The following ZCCHC7 variants were observed in gnomAD, a reference collection of about 807,000 sequenced individuals.
ZCCHC7 encodes zinc finger CCHC-type containing 7.
In ZCCHC7, 35 loss-of-function variants were observed where a neutral mutation model predicts 52.0. The ratio of observed to expected loss-of-function variants is 0.67; its 90% CI spans 0.51 to 0.89. The LOEUF (loss-of-function observed/expected upper bound fraction) is 0.89. ZCCHC7 is among the 40% of genes least tolerant of loss of function. ZCCHC7 has a pLI of 0.00. For synonymous variants in ZCCHC7, 217 were observed against 221.5 expected (o/e 0.98, Z 0.18); for missense variants, 574 against 649.1 (o/e 0.88, Z 1.26).
At chr9:37,315,394 C>T (rs993471950) in intron 5 of ZCCHC7, among the ~76,000 whole-genome samples, 3 of 151,666 alleles carry the variant, frequency 2.0e-5, no homozygotes, top group Non-Finnish European at 4.4e-5. Context: ...GCGTGATCTT[C>T]GTTTGTTGTA....
At chr9:37,333,448 C>G (rs896155970) in intron 6 of ZCCHC7, among the ~76,000 whole-genome samples, 1 of 151,632 alleles carries the variant, frequency 6.6e-6, no homozygotes, top group Non-Finnish European at 1.5e-5. Context: ...TATTCCTGCC[C>G]CTAGTGGCTA....
chr9:37,185,159 C>T (rs995679092), intron 2 of ZCCHC7, among the ~76,000 whole-genome samples: 1 of 152,122 alleles, frequency 6.6e-6, no homozygotes. Context: ...CTCTAGAGGT[C>T]GTGGGTGCCA....
chr9:37,258,981 G>T (rs1826734654), intron 2 of ZCCHC7, among the ~76,000 whole-genome samples: 1 of 152,060 alleles, frequency 6.6e-6, no homozygotes, highest in Admixed American at 6.6e-5. Context: ...GTTTAAGGTT[G>T]GCTTTCAGGA....
chr9:37,282,836 G>T (rs893121716), intron 2 of ZCCHC7, among the ~76,000 whole-genome samples: 1 of 148,780 alleles, frequency 6.7e-6, no homozygotes, highest in Non-Finnish European at 1.5e-5. Flanking sequence ...GGCGGGGGGA[G>T]TGAGGGGGTA....
intron 2 of ZCCHC7, 55 bp from the exon 3 acceptor site, chr9:37,302,133 A>G (rs1829057862): frequency 1.4e-6 from 2 of 1,424,270 alleles, no homozygotes; most frequent in African/African-American, 1.4e-5. Flanking sequence ...TCTATTGTCA[A>G]TCTATAAGTC....
At chr9:37,281,221 GC>G (rs1293730995) in intron 2 of ZCCHC7, among the ~76,000 whole-genome samples, 2 of 152,108 alleles carry the variant, frequency 1.3e-5, no homozygotes, top group Non-Finnish European at 2.9e-5. Flanking sequence ...TCCCTATATT[GC>G]CCAGGCTGGT....
chr9:37,153,611 C>CCTTT (rs751972020), intron 2 of ZCCHC7, among the ~76,000 whole-genome samples: 2 of 151,668 alleles, frequency 1.3e-5, no homozygotes, highest in East Asian at 3.9e-4. Flanking sequence ...CTGCACCTGG[C>CCTTT]CTTTCTTTCT....
At chr9:37,264,806 C>T (rs970321608) in intron 2 of ZCCHC7, among the ~76,000 whole-genome samples, 3 of 152,152 alleles carry the variant, frequency 2.0e-5, no homozygotes, top group Non-Finnish European at 2.9e-5. Context: ...TAGTCCTCTC[C>T]ATAGCAGTTA....
intron 2 of ZCCHC7, among the ~76,000 whole-genome samples, chr9:37,141,652 T>C (rs1843231923): frequency 6.6e-6 from 1 of 151,942 alleles, no homozygotes; most frequent in South Asian, 2.1e-4. Flanking sequence ...GGTACTGTTA[T>C]AAATCTTTAA....
chr9:37,354,538 G>A lies in ZCCHC7; in HGVS notation c.1084-172G>A, dbSNP rs183771912. Among the ~76,000 whole-genome samples the A allele has an allele frequency of 2.0e-5, 3 of 152,334 alleles. No homozygotes were observed. Among genetic ancestry groups the A allele is most frequent in the African/African-American group, 7.2e-5 (3 of 41,570 alleles). Reference sequence around the variant, plus strand: ...TGAAAGAATATCATAACACAGTGGGGTTTAGGGCTGGGTGACCCTCCCAAC... The same window carrying A: ...TGAAAGAATATCATAACACAGTGGGATTTAGGGCTGGGTGACCCTCCCAAC... On this transcript the variant is annotated intron_variant, in intron 7 of 8. Transcript: ENST00000336755. This position sits in a 1 kb window ranked among gnomAD's most constrained non-coding sequence, Gnocchi z 4.0.
intron 5 of ZCCHC7, among the ~76,000 whole-genome samples, chr9:37,310,756 T>C (rs907346870): frequency 4.0e-5 from 6 of 151,730 alleles, no homozygotes; most frequent in Non-Finnish European, 7.4e-5. Flanking sequence ...ACTCATGACA[T>C]TGGGGCAACA....
At chr9:37,282,522 A>G (rs981185130) in intron 2 of ZCCHC7, among the ~76,000 whole-genome samples, 3 of 149,222 alleles carry the variant, frequency 2.0e-5, no homozygotes, top group Admixed American at 1.3e-4. Flanking sequence ...GGAAAATGGC[A>G]TGAACCTGGG....
At chr9:37,316,848 G>A (rs1829843857) in intron 5 of ZCCHC7, among the ~76,000 whole-genome samples, 1 of 148,540 alleles carries the variant, frequency 6.7e-6, no homozygotes, top group South Asian at 2.1e-4. Flanking sequence ...GCCAGTACTG[G>A]TGGGATTTCA....
chr9:37,356,022 C>T (rs1588717316), intron 8 of ZCCHC7, among the ~76,000 whole-genome samples: 1 of 151,798 alleles, frequency 6.6e-6, no homozygotes, highest in East Asian at 1.9e-4. Context: ...TAGAGAAAAC[C>T]CATTTTGGTT....
chr9:37,225,319 A>G (rs1825038711), intron 2 of ZCCHC7, among the ~76,000 whole-genome samples: 1 of 152,338 alleles, frequency 6.6e-6, no homozygotes, highest in Non-Finnish European at 1.5e-5. Flanking sequence ...AAAATCTTCC[A>G]GTAGAGAAAC....
intron 2 of ZCCHC7, among the ~76,000 whole-genome samples, chr9:37,247,227 C>G (rs1374480823): frequency 6.6e-6 from 1 of 152,156 alleles, no homozygotes; most frequent in Non-Finnish European, 1.5e-5. Flanking sequence ...CCTCACTTCA[C>G]AGCTTTGTGA....
intron 5 of ZCCHC7, among the ~76,000 whole-genome samples, chr9:37,324,943 A>G (rs923514197): frequency 1.3e-5 from 2 of 152,138 alleles, no homozygotes; most frequent in African/African-American, 4.8e-5. Flanking sequence ...ATTTTCTTTG[A>G]TGTTCACATT....
intron 5 of ZCCHC7, chr9:37,326,189 G>T (rs1224518881): frequency 6.6e-6 from 1 of 152,070 alleles, no homozygotes; most frequent in Admixed American, 6.6e-5. Context: ...AGGATATATT[G>T]TACATTAGAT....
intron 5 of ZCCHC7, among the ~76,000 whole-genome samples, chr9:37,307,043 C>A (rs1829362095): frequency 6.7e-6 from 1 of 150,054 alleles, no homozygotes; most frequent in Non-Finnish European, 1.5e-5. Context: ...ATTTCAGCCT[C>A]CCAAAGTGCT....
Sources: gnomAD v4.1 joint callset for allele counts (sites outside exome capture counted in the v4.1 genomes callset) on GRCh38, gnomAD v4.1.1 for gene constraint, Gnocchi (gnomAD v3.1) non-coding constraint, MANE v1.5 for transcripts, NCBI Gene and HGNC (gene_info 2026-07-23, HGNC 2026-07-21) for gene names.